Variants in ANO2 observed in about 807,000 individuals in gnomAD.
ANO2 encodes anoctamin 2.
ANO2 carries 101 observed loss-of-function variants against 124.2 expected under a neutral mutation model. The observed-to-expected ratio is 0.81, with a 90% confidence interval of 0.69 to 0.96. ANO2 has a LOEUF of 0.96. ANO2 is among the 40% of genes least tolerant of loss of function. ANO2 has a pLI of 0.00. For missense variants in ANO2, 1,293 were observed against 1,274.5 expected, an observed-to-expected ratio of 1.01 and a Z score of -0.22; for synonymous variants, 486 against 482.5, an observed-to-expected ratio of 1.01 and a Z score of -0.09.
chr12:5,756,684 T>C (rs1951592556), intron 10 of ANO2, among the ~76,000 whole-genome samples: 1 of 152,234 alleles, frequency 6.6e-6, no homozygotes, highest in South Asian at 2.1e-4. Context: ...GCTGGGTATG[T>C]GGGCAGGTGG....
rs144081944 is a variant in ANO2 at position 5,640,431 on chromosome 12, G to A, written c.1621-5084C>T. On this transcript the variant is annotated intron_variant, in intron 15 of 24. Coordinates refer to ENST00000682330, the MANE Select transcript of ANO2 (RefSeq NM_001364791.2). ...TCCTTTTTCTTTAGAAAACATCAGA[G>A]TGAACAGGCAACCTACAGAATGGGA... Among the ~76,000 whole-genome samples the A allele has an allele frequency of 5.8e-3, 882 of 152,248 alleles. 32 individuals are homozygous for A. The highest frequency in any genetic ancestry group is 0.052 in the Admixed American group (798 of 15,288).
intron 1 of ANO2, among the ~76,000 whole-genome samples, chr12:5,937,290 T>G (rs1486052751): frequency 6.6e-6 from 1 of 152,244 alleles, no homozygotes; most frequent in Non-Finnish European, 1.5e-5. Flanking sequence ...TAGTTTTGAT[T>G]TGCATTTCCC....
At chr12:5,707,288 C>T (rs1301571042) in intron 14 of ANO2, among the ~76,000 whole-genome samples, 1 of 152,164 alleles carries the variant, frequency 6.6e-6, no homozygotes, top group Non-Finnish European at 1.5e-5. Flanking sequence ...TGAGGCCTCC[C>T]CAGCCATGTG....
At chr12:5,838,995 G>A (rs1954418983) in intron 4 of ANO2, among the ~76,000 whole-genome samples, 1 of 152,148 alleles carries the variant, frequency 6.6e-6, no homozygotes, top group Non-Finnish European at 1.5e-5. Flanking sequence ...GAGTAACAGG[G>A]ACCCATTTAC....
intron 14 of ANO2, among the ~76,000 whole-genome samples, chr12:5,665,748 A>G (rs3782611): frequency 0.2 from 24,405 of 124,982 alleles, 2,431 homozygotes; most frequent in South Asian, 0.36. Context: ...TCAACACATC[A>G]TCTCTTTGCA....
At chr12:5,600,968 A>G (rs375579141) in intron 19 of ANO2, among the ~76,000 whole-genome samples, 144 of 152,282 alleles carry the variant, frequency 9.5e-4, no homozygotes, top group African/African-American at 3.2e-3. Flanking sequence ...TAATAGTTCA[A>G]AATAATGTTT....
intron 1 of ANO2, among the ~76,000 whole-genome samples, chr12:5,938,848 C>T (rs1481910686): frequency 1.3e-5 from 2 of 151,844 alleles, no homozygotes; most frequent in Non-Finnish European, 2.9e-5. Context: ...ACAAGATAAG[C>T]TAAGATCCCA....
intron 4 of ANO2, among the ~76,000 whole-genome samples, chr12:5,836,969 T>C (rs567117023): frequency 6.6e-6 from 1 of 152,218 alleles, no homozygotes; most frequent in Non-Finnish European, 1.5e-5. Context: ...GTCCAAAATG[T>C]TCCCTATTGT....
intron 7 of ANO2, among the ~76,000 whole-genome samples, chr12:5,823,499 C>A (rs1953869277): frequency 6.6e-6 from 1 of 152,228 alleles, no homozygotes; most frequent in Non-Finnish European, 1.5e-5. Context: ...AAATGATCTC[C>A]TTTGACTCTG....
At chr12:5,853,980 C>A in intron 4 of ANO2, 63 bp downstream of exon 4, 1 of 1,404,006 alleles carries the variant, frequency 7.1e-7, no homozygotes, top group South Asian at 1.2e-5. Context: ...GGCCCTATTC[C>A]CAAATTATTT....
chr12:5,623,882 G>C (rs1945254665), intron 16 of ANO2, among the ~76,000 whole-genome samples: 2 of 152,196 alleles, frequency 1.3e-5, no homozygotes, highest in Non-Finnish European at 2.9e-5. Context: ...GGAATGGGGG[G>C]TGGGTGGAGG....
intron 14 of ANO2, among the ~76,000 whole-genome samples, chr12:5,723,379 A>G (rs1240958308): frequency 6.6e-6 from 1 of 152,188 alleles, no homozygotes; most frequent in African/African-American, 2.4e-5. Flanking sequence ...GTTTCCGCCA[A>G]TGAGGGGAAG....
In ANO2 at chr12:5,563,400, C is replaced by T. The variant is rs757005046; in HGVS notation, c.2896G>A (p.Gly966Ser). Residue 966 changes from glycine (G) to serine (S), a missense_variant, in exon 25 of 25, where the codon GGT becomes AGT. By Grantham distance (56) the Gly-to-Ser change is moderately conservative. Transcript: ENST00000682330. ...GCCCGGCTCCTGCTTCGATCCCCAC[C>T]TCCTGGGCTCCTCAGAGCCGGCTCA... is the stretch of plus-strand genomic sequence containing the variant. ...MDEPALRSPG[G>S]GDRSRSRAAS... The T allele has an allele frequency of 3.1e-6, 5 of 1,610,170 alleles. No individual in the cohort carries two copies. The highest frequency in any genetic ancestry group is 4.2e-6 in the Non-Finnish European group (5 of 1,178,400).
chr12:5,855,810 A>G (rs1047222264), intron 3 of ANO2, among the ~76,000 whole-genome samples: 4 of 152,256 alleles, frequency 2.6e-5, no homozygotes, highest in African/African-American at 9.6e-5. Context: ...GTGTTCAGAC[A>G]TGACATGGTC....
intron 3 of ANO2, among the ~76,000 whole-genome samples, chr12:5,903,242 G>A (rs1940441340): frequency 6.6e-6 from 1 of 152,080 alleles, no homozygotes; most frequent in South Asian, 2.1e-4. Flanking sequence ...CCAGAGGCCA[G>A]AAAAAGACAA....
chr12:5,590,558 G>T (rs1412923792), intron 20 of ANO2, among the ~76,000 whole-genome samples: 3 of 152,164 alleles, frequency 2.0e-5, no homozygotes. Context: ...TGCCTTGTTT[G>T]AAGTCTCGAG....
chr12:5,591,513 G>A (rs967652888), intron 20 of ANO2, among the ~76,000 whole-genome samples: 1 of 152,188 alleles, frequency 6.6e-6, no homozygotes, highest in African/African-American at 2.4e-5. Context: ...GGGATTGGAA[G>A]TAATTGTTCT....
At chr12:5,625,833 G>T (rs1255846583) in intron 16 of ANO2, among the ~76,000 whole-genome samples, 2 of 152,132 alleles carry the variant, frequency 1.3e-5, no homozygotes, top group Non-Finnish European at 2.9e-5. Flanking sequence ...ACTAGAGGGG[G>T]ACTCTGGGCT....
At chr12:5,607,042 C>G (rs2136895253) in intron 19 of ANO2, among the ~76,000 whole-genome samples, 1 of 149,982 alleles carries the variant, frequency 6.7e-6, no homozygotes, top group Non-Finnish European at 1.5e-5. Context: ...ACCCATCTAA[C>G]CCCCCAGACT....
Sources: allele counts gnomAD v4.1 joint callset (sites outside exome capture counted in the v4.1 genomes callset), GRCh38; gene constraint gnomAD v4.1.1; transcripts MANE v1.5; gene names NCBI Gene and HGNC (gene_info 2026-07-23, HGNC 2026-07-21).